Variants in BRINP1 observed in about 807,000 individuals in gnomAD.
BRINP1 encodes the protein BMP/retinoic acid inducible neural specific 1, also known as BMP/retinoic acid-inducible neural-specific protein 1.
A neutral mutation model predicts 72.9 loss-of-function variants in BRINP1; 17 were observed. The ratio of observed to expected loss-of-function variants is 0.23; its 90% CI spans 0.16 to 0.35. The LOEUF is 0.35. Among genes scored for constraint, BRINP1 ranks in the 10% least tolerant of loss-of-function variants. The pLI is 1.00. For missense variants in BRINP1, 850 were observed against 1,001.6 expected (o/e 0.85, Z 2.04); for synonymous variants, 418 against 378.5 (o/e 1.10, Z -1.21).
chr9:119,276,385 A>G (rs537331926), intron 2 of BRINP1, among the ~76,000 whole-genome samples: 1 of 152,340 alleles, frequency 6.6e-6, no homozygotes, highest in East Asian at 1.9e-4. Context: ...ATGTACTCTT[A>G]GAAAATATAA....
intron 1 of BRINP1, among the ~76,000 whole-genome samples, chr9:119,356,771 C>T (rs1457563289): frequency 6.6e-6 from 1 of 150,522 alleles, no homozygotes; most frequent in African/African-American, 2.4e-5. Flanking sequence ...CACCATTGCA[C>T]TCCAGCCTGG....
chr9:119,236,865 C>T (rs1024399496), intron 5 of BRINP1, among the ~76,000 whole-genome samples: 5 of 152,158 alleles, frequency 3.3e-5, no homozygotes, highest in Non-Finnish European at 7.4e-5. Flanking sequence ...GGTTACGCTC[C>T]ATGTATTTAA....
At chr9:119,328,887 C>CA (rs997209494) in intron 1 of BRINP1, among the ~76,000 whole-genome samples, 1 of 151,862 alleles carries the variant, frequency 6.6e-6, no homozygotes, top group African/African-American at 2.4e-5. Context: ...AACAAACAAA[C>CA]AAAAAAACCC....
intron 7 of BRINP1, 63 bp from the exon 8 acceptor site, chr9:119,168,287 A>T: frequency 2.3e-6 from 3 of 1,327,992 alleles, no homozygotes; most frequent in Non-Finnish European, 3.0e-6. Context: ...AGTTACAGTT[A>T]TCCAACTGAT....
Position 119,168,057 on chromosome 9 carries a change from A to C in BRINP1, c.1313T>G (p.Met438Arg). 6.2e-7 allele frequency: 1 copy of C among 1,611,138 alleles called. No homozygotes were observed. Among genetic ancestry groups the C allele is most frequent in the Non-Finnish European group, 8.5e-7 (1 of 1,178,104 alleles). ...GAGGGAGATGTTGGCCAGGCTGCAC[A>C]TGGCGCAGCTGTTGTTCCCGCCTAT... ...CVIGGNNSCA[M>R]CSLANISLCG... The change falls in exon 8 of 8, where the codon ATG becomes AGG. Residue 438 changes from methionine (M) to arginine (R), a missense_variant. Physicochemically the swap from Met to Arg is moderately conservative, Grantham distance 91 (BLOSUM62 -1). Transcript: ENST00000265922.
chr9:119,183,502 G>T (rs1829579726), intron 7 of BRINP1, among the ~76,000 whole-genome samples: 1 of 152,088 alleles, frequency 6.6e-6, no homozygotes, highest in Non-Finnish European at 1.5e-5. Flanking sequence ...AGACACGGGG[G>T]GCTGTACAGT....
chr9:119,283,022 G>A (rs1365191831), intron 2 of BRINP1: 1 of 985,278 alleles, frequency 1.0e-6, no homozygotes, highest in Admixed American at 6.1e-5. Context: ...CCTTTTCAAA[G>A]CAGAAATTGA....
Position 119,218,201 on chromosome 9 carries a change from AAT to A in BRINP1, c.686-4048_686-4047del, listed in dbSNP as rs1228345648. On this transcript the variant is annotated intron_variant, in intron 5 of 7. Transcript: ENST00000265922. Reference sequence around the variant, plus strand: ...CAGGCACTCATTTGTTGATCAAATAAATATTTTTTTTTTTTTTTTTTTGAGAC... The same window carrying A: ...CAGGCACTCATTTGTTGATCAAATAAATTTTTTTTTTTTTTTTTTTGAGAC... Among the ~76,000 whole-genome samples the A allele has an allele frequency of 1.9e-4, 23 of 121,522 alleles. No individual in the cohort carries two copies. In the East Asian group the frequency reaches 2.5e-3, roughly 13 times the overall value. The allele number at this position is 121,522 out of a possible 152,430, so 79.7% of individuals were successfully genotyped here.
At chr9:119,344,873 T>A (rs1831435453) in intron 1 of BRINP1, among the ~76,000 whole-genome samples, 1 of 152,092 alleles carries the variant, frequency 6.6e-6, no homozygotes, top group Non-Finnish European at 1.5e-5. Flanking sequence ...CATAAGCACA[T>A]AAAAAAATAG....
chr9:119,296,857 G>A (rs1321014405), intron 2 of BRINP1, among the ~76,000 whole-genome samples: 2 of 151,862 alleles, frequency 1.3e-5, no homozygotes, highest in Admixed American at 6.6e-5. Flanking sequence ...CAGAAATAGG[G>A]GGAAGGGAGA....
chr9:119,366,225 G>T (rs1375692319), intron 1 of BRINP1, among the ~76,000 whole-genome samples: 1 of 152,020 alleles, frequency 6.6e-6, no homozygotes, highest in Admixed American at 6.6e-5. Context: ...ATGCTTCTGT[G>T]CCTGTAATAT....
At chr9:119,249,844 AAGGAAGGAAGGGAGGG>A (rs1202596535) in intron 2 of BRINP1, among the ~76,000 whole-genome samples, 22 of 73,372 alleles carry the variant, frequency 3.0e-4, no homozygotes, top group South Asian at 7.0e-4. Context: ...GGAAGGAAGG[AAGGAAGGAAGGGAGGG>A]AGGGAGGGAG....
chr9:119,231,219 T>C (rs1459736852), intron 5 of BRINP1, among the ~76,000 whole-genome samples: 2 of 152,008 alleles, frequency 1.3e-5, no homozygotes, highest in Admixed American at 1.3e-4. Context: ...ATCAAGAAAA[T>C]GTCTCCATTA....
intron 7 of BRINP1, among the ~76,000 whole-genome samples, chr9:119,171,287 A>G (rs1829406960): frequency 7.0e-6 from 1 of 143,064 alleles, no homozygotes; most frequent in Non-Finnish European, 1.5e-5. Context: ...ATGGAGGAAG[A>G]TCTACCAAGC....
intron 7 of BRINP1, among the ~76,000 whole-genome samples, chr9:119,205,859 A>G (rs10984438): frequency 0.75 from 108,359 of 143,908 alleles, 39,427 homozygotes; most frequent in Middle Eastern, 0.85. Context: ...ATGGTCAAAC[A>G]TGGCCCTCCT....
chr9:119,330,124 A>T (rs1294671221), intron 1 of BRINP1, among the ~76,000 whole-genome samples: 1 of 152,148 alleles, frequency 6.6e-6, no homozygotes, highest in African/African-American at 2.4e-5. Context: ...AATTTTTTTT[A>T]ACCTTTTCCA....
intron 1 of BRINP1, among the ~76,000 whole-genome samples, chr9:119,325,750 T>C (rs1831233266): frequency 6.6e-6 from 1 of 152,228 alleles, no homozygotes; most frequent in African/African-American, 2.4e-5. Flanking sequence ...TCACCTAATC[T>C]AGCAGATCCA....
At chr9:119,191,149 TA>T (rs1337425099) in intron 7 of BRINP1, among the ~76,000 whole-genome samples, 1 of 151,868 alleles carries the variant, frequency 6.6e-6, no homozygotes, top group Non-Finnish European at 1.5e-5. Context: ...TAATAAAGGG[TA>T]TTTATGAAAA....
At chr9:119,263,520 C>T (rs187870329) in intron 2 of BRINP1, among the ~76,000 whole-genome samples, 52 of 151,896 alleles carry the variant, frequency 3.4e-4, no homozygotes, top group African/African-American at 1.2e-3. Flanking sequence ...AGACAGTTAC[C>T]TCCATTGGAC....
Sources: allele counts gnomAD v4.1 joint callset (sites outside exome capture counted in the v4.1 genomes callset), GRCh38; gene constraint gnomAD v4.1.1; transcripts MANE v1.5; gene names NCBI Gene and HGNC (gene_info 2026-07-23, HGNC 2026-07-21).